Variants in HAGHL observed in about 807,000 individuals in gnomAD.
HAGHL encodes hydroxyacylglutathione hydrolase like.
In HAGHL, 27 loss-of-function variants were observed where a neutral mutation model predicts 29.2. That is an observed-to-expected ratio of 0.92 (90% CI 0.68 to 1.27). The LOEUF is 1.27. HAGHL is among the 50% of genes most tolerant of loss of function. HAGHL has a pLI of 0.00. For synonymous variants in HAGHL, 223 were observed against 185.7 expected, an observed-to-expected ratio of 1.20 and a Z score of -1.63; for missense variants, 529 against 405.5, an observed-to-expected ratio of 1.30 and a Z score of -2.62.
Position 728,251 on chromosome 16 carries a change from G to A in HAGHL, c.288+18G>A. 1 of 1,500,054 alleles carries A rather than the reference G, an allele frequency of 6.7e-7. No individual in the cohort carries two copies. The highest frequency in any genetic ancestry group is 1.5e-5 in the African/African-American group (1 of 68,794). 92.9% of individuals were successfully genotyped at this position (1,500,054 alleles called of 1,614,324 possible). A position where few individuals can be genotyped will look rare whatever the true frequency, so the allele number is the denominator to read the frequency against. ...AGCTGCGGGTGAGCGCGCGCTCCCG[G>A]GAGGGGCGGGGAGGGCGCCCCGGGT... On this transcript the variant is annotated intron_variant, in intron 3 of 7. Transcript: ENST00000389703.
chr16:728,493 T>G lies in HAGHL; in HGVS notation c.398-11T>G. The stretch of plus-strand genomic sequence containing the variant: ...CCGCCCCATCTGCTCTGACCCGCCC[T>G]CCCCCGCCAGGCGACGCGCTGTCGG... On this transcript the variant is annotated splice_polypyrimidine_tract_variant and intron_variant, in intron 4 of 7. Coordinates refer to ENST00000389703, the MANE Select transcript of HAGHL (RefSeq NM_032304.4). 2 of 1,285,566 alleles carry G rather than the reference T, an allele frequency of 1.6e-6. No individual in the cohort carries two copies. The highest frequency in any genetic ancestry group is 2.0e-6 in the Non-Finnish European group (2 of 996,508). 79.6% of individuals were successfully genotyped at this position (1,285,566 alleles called of 1,614,324 possible). A position where few individuals can be genotyped will look rare whatever the true frequency, so the allele number is the denominator to read the frequency against.
Position 728,403 on chromosome 16 carries a change from G to A in HAGHL, c.376G>A (p.Asp126Asn), listed in dbSNP as rs1213941865. Residue 126 changes from aspartate (D) to asparagine (N), a missense_variant, in exon 4 of 8, where the codon GAC becomes AAC. Asp to Asn is a conservative substitution (Grantham distance 23). Coordinates refer to ENST00000389703, the MANE Select transcript of HAGHL (RefSeq NM_032304.4). ...CTTCCTGTGGGAGGACGATTGCCCG[G>A]ACCCACCCGCCCTGTTCTCGGGTAC... ...SYFLWEDDCP[D>N]PPALFSGDAL... 1.2e-5 allele frequency: 19 copies of A among 1,565,602 alleles called. No individual in the cohort carries two copies. The highest frequency in any genetic ancestry group is 1.6e-5 in the Non-Finnish European group (18 of 1,158,810).
At position 728,592 on chromosome 16, in the gene HAGHL, GC is replaced by G. The variant is rs1567338353; in HGVS notation, c.492del (p.Glu165ArgfsTer28). 6 of 1,506,078 alleles carry G rather than the reference GC, an allele frequency of 4.0e-6. No homozygotes were observed. Among genetic ancestry groups the G allele is most frequent in the Admixed American group, 2.1e-5 (1 of 46,710 alleles). 93.3% of individuals were successfully genotyped at this position (1,506,078 alleles called of 1,614,324 possible). ...YQSLAELGTLPPETKVFCGHE... is the reference protein window; with the variant it reads ...YQSLAELGTLXPETKVFCGHE... ...AGAGCCTGGCCGAGCTGGGTACCCT[GC>G]CCCCCGAGACGGTGAGCGGGCCTGG... is the stretch of plus-strand genomic sequence containing the variant. On this transcript the variant is annotated frameshift_variant, in exon 5 of 8. Coordinates refer to ENST00000389703, the MANE Select transcript of HAGHL (RefSeq NM_032304.4). LOFTEE classifies it high-confidence loss of function.
Position 728,435 on chromosome 16 carries a change from C to A in HAGHL, c.397+11C>A. 6.6e-7 allele frequency: 1 copy of A among 1,516,808 alleles called. No individual in the cohort carries two copies. The highest frequency in any genetic ancestry group is 8.9e-7 in the Non-Finnish European group (1 of 1,129,400). 94.0% of individuals were successfully genotyped at this position (1,516,808 alleles called of 1,614,324 possible). On this transcript the variant is annotated intron_variant, in intron 4 of 7. Transcript: ENST00000389703. ...CCGCCCTGTTCTCGGGTACCCGCAG[C>A]GCGGAGCGCGCCCACCCCGCCTCCC...
chr16:729,697 A>C lies in HAGHL; in HGVS notation c.*241A>C. On this transcript the variant is annotated 3_prime_UTR_variant, in exon 8 of 8. Transcript: ENST00000389703. ...GGGCACACGGGGCCTCCGAACTATGAATAAAGCTTTGAAAGGCCGTTGTCA... is the reference window on the plus strand; with the variant it reads ...GGGCACACGGGGCCTCCGAACTATGCATAAAGCTTTGAAAGGCCGTTGTCA... 1 of 1,478,958 alleles carries C rather than the reference A, an allele frequency of 6.8e-7. No individual in the cohort carries two copies. Among genetic ancestry groups the C allele is most frequent in the Non-Finnish European group, 8.9e-7 (1 of 1,119,964 alleles). 91.6% of individuals were successfully genotyped at this position (1,478,958 alleles called of 1,614,324 possible). A position where few individuals can be genotyped will look rare whatever the true frequency, so the allele number is the denominator to read the frequency against.
intron 5 of HAGHL, 36 bp from the exon 6 acceptor site, chr16:728,758 G>A (rs749360469): frequency 6.3e-7 from 1 of 1,597,916 alleles, no homozygotes; most frequent in Non-Finnish European, 8.6e-7. Context: ...CCCGCTTCCT[G>A]GCCGCGTGCG....
Position 729,401 on chromosome 16 carries a change from C to T in HAGHL, c.794C>T (p.Ala265Val), listed in dbSNP as rs2041236525. The T allele has an allele frequency of 6.5e-7, 1 of 1,530,004 alleles. No individual in the cohort carries two copies. Among genetic ancestry groups the T allele is most frequent in the Non-Finnish European group, 8.8e-7 (1 of 1,141,826 alleles). 94.8% of individuals were successfully genotyped at this position (1,530,004 alleles called of 1,614,324 possible). Residue 265 changes from alanine (A) to valine (V), a missense_variant, in exon 8 of 8, where the codon GCG becomes GTG. Ala to Val is a moderately conservative substitution (Grantham distance 64). Transcript: ENST00000389703. Reference protein sequence around the residue: ...EQAGEPRQPQARALLALQWGL... With the variant: ...EQAGEPRQPQVRALLALQWGL... ...GCGGGCGAGCCGCGGCAGCCACAGG[C>T]GCGGGCCCTCCTTGCGCTGCAGTGG...
chr16:728,888 G>C lies in HAGHL; in HGVS notation c.593G>C (p.Trp198Ser). The C allele has an allele frequency of 6.3e-7, 1 of 1,597,672 alleles. No individual in the cohort carries two copies. Among genetic ancestry groups the C allele is most frequent in the African/African-American group, 1.3e-5 (1 of 74,484 alleles). Residue 198 changes from tryptophan to serine, a missense_variant, in exon 6 of 8, where the codon TGG (tryptophan) becomes TCG (serine). Trp to Ser is a radical substitution (Grantham distance 177). Coordinates refer to ENST00000389703, the MANE Select transcript of HAGHL (RefSeq NM_032304.4). The stretch of plus-strand genomic sequence containing the variant: ...GACCACGTGAGAGCCAAGCTGTCCT[G>C]GGCTAAGGCACGGCCCCTTTCCCGC... ...CNDHVRAKLS[W>S]AKKRDEDDVP...
rs980329521 is a variant in HAGHL, at chr16:727,390, T to G, written c.-120T>G. ...GCTTCTCTTTTGGCCCCCAGCGTGT[T>G]GACCGAGCCCGCTTCGCACAGCCCT... On this transcript the variant is annotated 5_prime_UTR_variant, in exon 1 of 8. Transcript: ENST00000389703. 4 of 588,054 alleles carry G rather than the reference T, an allele frequency of 6.8e-6. No homozygotes were observed. Among genetic ancestry groups the G allele is most frequent in the African/African-American group, 3.9e-5 (2 of 51,306 alleles). The allele number at this position is 588,054 out of a possible 1,614,324, so 36.4% of individuals were successfully genotyped here.
intron 1 of HAGHL, 157 bp from the exon 2 acceptor site, chr16:727,808 C>T: frequency 1.2e-6 from 1 of 832,182 alleles, no homozygotes; most frequent in Non-Finnish European, 1.9e-6. Context: ...CTGGCGGTCC[C>T]TGCACGCGCT....
rs1240062465 is a variant in HAGHL, at chr16:729,512, G to A, written c.*56G>A. On this transcript the variant is annotated 3_prime_UTR_variant, in exon 8 of 8. Coordinates refer to ENST00000389703, the MANE Select transcript of HAGHL (RefSeq NM_032304.4). ...GCGTCCCTCCTCGTGACCTCGGCCAGCTGGACCCACATGAGGGCCACCTCT... is the reference window on the plus strand; with the variant it reads ...GCGTCCCTCCTCGTGACCTCGGCCAACTGGACCCACATGAGGGCCACCTCT... 2 of 1,535,880 alleles carry A rather than the reference G, an allele frequency of 1.3e-6. No individual in the cohort carries two copies. Among genetic ancestry groups the A allele is most frequent in the East Asian group, 2.4e-5 (1 of 40,882 alleles).
chr16:728,156 C>A lies in HAGHL; in HGVS notation c.211C>A (p.Pro71Thr). The A allele has an allele frequency of 6.8e-7, 1 of 1,471,882 alleles. No individual in the cohort carries two copies. The highest frequency in any genetic ancestry group is 8.9e-7 in the Non-Finnish European group (1 of 1,119,532). The allele number at this position is 1,471,882 out of a possible 1,614,324, so 91.2% of individuals were successfully genotyped here. ...AAACCCGGAGCTGGCGCGGCTTCGT[C>A]CCGGGCTGGCGGTGCTGGGCGCGGA... ...RGNPELARLR[P>T]GLAVLGADER... Residue 71 changes from proline (P) to threonine (T), a missense_variant, in exon 3 of 8, where the codon CCC becomes ACC. Coordinates refer to ENST00000389703, the MANE Select transcript of HAGHL (RefSeq NM_032304.4).
At position 727,206 on chromosome 16, in the gene HAGHL, G is replaced by C. The variant is rs541654695; in HGVS notation, c.-304G>C. On this transcript the variant is annotated 5_prime_UTR_variant, in exon 1 of 8. Coordinates refer to ENST00000389703, the MANE Select transcript of HAGHL (RefSeq NM_032304.4). ...GGGTCTTGCGGCGGCAGGGCGGGGGGCCGAGGGGCGGGGCCTGGGAGGAAG... is the reference window on the plus strand; with the variant it reads ...GGGTCTTGCGGCGGCAGGGCGGGGGCCCGAGGGGCGGGGCCTGGGAGGAAG... 23 of 290,978 alleles carry C rather than the reference G, an allele frequency of 7.9e-5. 1 individual carries two copies. The Admixed American group carries it at 1.2e-3, about 15-fold the overall frequency. 18.0% of individuals were successfully genotyped at this position (290,978 alleles called of 1,614,324 possible).
rs376243282 is a variant in HAGHL at position 727,695 on chromosome 16, C to T, written c.105+81C>T. On this transcript the variant is annotated intron_variant, in intron 1 of 7. Transcript: ENST00000389703. ...GACCCCCCTGGTAGGAGCGAGCCCCCACGTGCTCTGCTCTCCGGAAGTCAT... is the reference window on the plus strand; with the variant it reads ...GACCCCCCTGGTAGGAGCGAGCCCCTACGTGCTCTGCTCTCCGGAAGTCAT... The T allele has an allele frequency of 4.8e-3, 4,490 of 937,460 alleles. 139 individuals are homozygous for T. In the South Asian group the frequency reaches 0.051, roughly 11 times the overall value. The allele number at this position is 937,460 out of a possible 1,614,324, so 58.1% of individuals were successfully genotyped here. A position where few individuals can be genotyped will look rare whatever the true frequency, so the allele number is the denominator to read the frequency against.
chr16:729,173 G>A lies in HAGHL; in HGVS notation c.680+85G>A, dbSNP rs961975106. ...GGGGACTGCGTGTTGGGCTGAGTGA[G>A]CATCTCTGGCTTGGGGGAGGCTGCT... On this transcript the variant is annotated intron_variant, in intron 7 of 7. Coordinates refer to ENST00000389703, the MANE Select transcript of HAGHL (RefSeq NM_032304.4). The A allele has an allele frequency of 2.5e-6, 4 of 1,577,698 alleles. No homozygotes were observed. In the Admixed American group the frequency reaches 5.1e-5, roughly 20 times the overall value.
Position 729,026 on chromosome 16 carries a change from C to G in HAGHL, c.618C>G (p.Asp206Glu). The change falls in exon 7 of 8, where the codon GAC becomes GAG. Residue 206 changes from aspartate (D) to glutamate (E), a missense_variant. Asp to Glu is a conservative substitution (Grantham distance 45). Coordinates refer to ENST00000389703, the MANE Select transcript of HAGHL (RefSeq NM_032304.4). Reference sequence around the variant, plus strand: ...CACTCCAGAAGAGGGATGAGGATGACGTGCCCACTGTGCCGTCGACTCTGG... The same window carrying G: ...CACTCCAGAAGAGGGATGAGGATGAGGTGCCCACTGTGCCGTCGACTCTGG... Reference protein sequence around the residue: ...LSWAKKRDEDDVPTVPSTLGE... With the variant: ...LSWAKKRDEDEVPTVPSTLGE... 6.2e-7 allele frequency: 1 copy of G among 1,609,806 alleles called. No individual in the cohort carries two copies. The highest frequency in any genetic ancestry group is 8.5e-7 in the Non-Finnish European group (1 of 1,179,226).
In HAGHL at chr16:727,174, G is replaced by A. The variant is rs1414879742; in HGVS notation, c.-336G>A. The A allele has an allele frequency of 8.9e-6, 2 of 224,766 alleles. No individual in the cohort carries two copies. Among genetic ancestry groups the A allele is most frequent in the Non-Finnish European group, 1.7e-5 (2 of 115,596 alleles). 13.9% of individuals were successfully genotyped at this position (224,766 alleles called of 1,614,324 possible). On this transcript the variant is annotated 5_prime_UTR_variant, in exon 1 of 8. Coordinates refer to ENST00000389703, the MANE Select transcript of HAGHL (RefSeq NM_032304.4). ...GGCGGCGGGGGAACGCGGCTGTCCC[G>A]GGTCAGGGGTCTTGCGGCGGCAGGG...
In HAGHL at chr16:728,869, G is replaced by T. The variant is rs755156372; in HGVS notation, c.574G>T (p.Val192Leu). Residue 192 changes from valine (V) to leucine (L), a missense_variant, in exon 6 of 8, where the codon GTG (valine) becomes TTG (leucine). Physicochemically the swap from Val to Leu is conservative, Grantham distance 32. Coordinates refer to ENST00000389703, the MANE Select transcript of HAGHL (RefSeq NM_032304.4). ...AQKVEPCNDH[V>L]RAKLSWAKKR... ...GAAAGTGGAGCCCTGCAACGACCAC[G>T]TGAGAGCCAAGCTGTCCTGGGCTAA... 1 of 1,608,564 alleles carries T rather than the reference G, an allele frequency of 6.2e-7. No homozygotes were observed. The highest frequency in any genetic ancestry group is 1.1e-5 in the South Asian group (1 of 90,520).
Position 727,852 on chromosome 16 carries a change from C to T in HAGHL, c.106-113C>T. The stretch of plus-strand genomic sequence containing the variant: ...TCACCGCCCGCTGGGTCCCCGCTCC[C>T]CGGCGCTCCCCGGGGCTCTGGCCGG... On this transcript the variant is annotated intron_variant, in intron 1 of 7. Coordinates refer to ENST00000389703, the MANE Select transcript of HAGHL (RefSeq NM_032304.4). 7 of 1,179,736 alleles carry T rather than the reference C, an allele frequency of 5.9e-6. No individual in the cohort carries two copies. The South Asian group carries it at 6.8e-5, about 11-fold the overall frequency. The allele number at this position is 1,179,736 out of a possible 1,614,324, so 73.1% of individuals were successfully genotyped here. A position where few individuals can be genotyped will look rare whatever the true frequency, so the allele number is the denominator to read the frequency against.
Sources: allele counts gnomAD v4.1 joint callset, GRCh38; gene constraint gnomAD v4.1.1; transcripts MANE v1.5; gene names NCBI Gene and HGNC (gene_info 2026-07-23, HGNC 2026-07-21).